Variants in ADGRL3 observed in about 807,000 individuals in gnomAD.
The protein encoded by ADGRL3 is adhesion G protein-coupled receptor L3.
A neutral mutation model predicts 153.5 loss-of-function variants in ADGRL3; 62 were observed. The ratio of observed to expected loss-of-function variants is 0.40; its 90% CI spans 0.33 to 0.50. ADGRL3 has a LOEUF of 0.50. ADGRL3 is among the 20% of genes least tolerant of loss of function. ADGRL3 has a pLI of 0.47. For missense variants in ADGRL3, 1,641 were observed against 1,859.4 expected (o/e 0.88, Z 2.16); for synonymous variants, 710 against 672.5 (o/e 1.06, Z -0.86).
intron 8 of ADGRL3, among the ~76,000 whole-genome samples, chr4:61,772,393 GA>G (rs2097097035): frequency 6.6e-6 from 1 of 152,180 alleles, no homozygotes; most frequent in Non-Finnish European, 1.5e-5. Flanking sequence ...TGCAGAGAAG[GA>G]AAACAATATT....
At chr4:61,749,457 A>AC (rs559611141) in intron 8 of ADGRL3, among the ~76,000 whole-genome samples, 4,078 of 152,274 alleles carry the variant, frequency 0.027, 117 homozygotes, top group East Asian at 0.076. Flanking sequence ...CTTGGAACCA[A>AC]CCAAATATCC....
intron 9 of ADGRL3, among the ~76,000 whole-genome samples, chr4:61,889,764 T>C (rs2098558912): frequency 6.6e-6 from 1 of 152,252 alleles, no homozygotes; most frequent in Non-Finnish European, 1.5e-5. Context: ...AATCTTGTGG[T>C]GGTGTGCCAT....
rs557023253 is a variant in ADGRL3 at position 62,076,318 on chromosome 4, A to G, written c.*5410A>G. 3 of 152,250 alleles carry G rather than the reference A, an allele frequency of 2.0e-5. No homozygotes were observed. Among genetic ancestry groups the G allele is most frequent in the East Asian group, 1.9e-4 (1 of 5,176 alleles). 9.4% of individuals were successfully genotyped at this position (152,250 alleles called of 1,614,324 possible). A position where few individuals can be genotyped will look rare whatever the true frequency, so the allele number is the denominator to read the frequency against. Reference sequence around the variant, plus strand: ...CATTTGATAATTTGTGTCCCGTTACAGTATTTCAAAGGTAAATGCAAACTA... The same window carrying G: ...CATTTGATAATTTGTGTCCCGTTACGGTATTTCAAAGGTAAATGCAAACTA... On this transcript the variant is annotated 3_prime_UTR_variant, in exon 27 of 27. Transcript: ENST00000683033.
At chr4:61,236,564 A>C (rs1164897912) in intron 1 of ADGRL3, among the ~76,000 whole-genome samples, 1 of 152,162 alleles carries the variant, frequency 6.6e-6, no homozygotes, top group Non-Finnish European at 1.5e-5. Flanking sequence ...TGTTATTCTA[A>C]TAAGATTTTT....
chr4:61,422,089 C>G (rs1450554465), intron 2 of ADGRL3, among the ~76,000 whole-genome samples: 2 of 152,062 alleles, frequency 1.3e-5, no homozygotes, highest in Admixed American at 1.3e-4. Flanking sequence ...ATTGTCCAAT[C>G]AAAGATGTGC....
chr4:61,299,271 G>A (rs2094507814), intron 1 of ADGRL3, among the ~76,000 whole-genome samples: 2 of 152,144 alleles, frequency 1.3e-5, no homozygotes, highest in African/African-American at 4.8e-5. Flanking sequence ...AATTTATACA[G>A]CATCATAGTG....
At chr4:61,239,071 C>T (rs1753925350) in intron 1 of ADGRL3, among the ~76,000 whole-genome samples, 1 of 152,144 alleles carries the variant, frequency 6.6e-6, no homozygotes, top group Non-Finnish European at 1.5e-5. Flanking sequence ...GTTACTCCTT[C>T]AAGGAATCCT....
intron 8 of ADGRL3, among the ~76,000 whole-genome samples, chr4:61,794,320 A>G (rs928235603): frequency 3.3e-5 from 5 of 152,218 alleles, no homozygotes; most frequent in Admixed American, 6.5e-5. Context: ...AGATAAGGAC[A>G]TGAGTGGAGG....
chr4:61,602,370 A>T (rs1415075561), intron 5 of ADGRL3, among the ~76,000 whole-genome samples: 1 of 152,160 alleles, frequency 6.6e-6, no homozygotes, highest in Non-Finnish European at 1.5e-5. Flanking sequence ...AGTGGCTCTC[A>T]TCTGGGGGTA....
intron 2 of ADGRL3, among the ~76,000 whole-genome samples, chr4:61,410,627 C>A (rs1429280565): frequency 6.6e-6 from 1 of 152,158 alleles, no homozygotes; most frequent in Admixed American, 6.5e-5. Context: ...GTGGACCCAC[C>A]ACCCCAACCC....
chr4:61,503,245 T>C (rs1195423967), intron 3 of ADGRL3, among the ~76,000 whole-genome samples: 1 of 151,952 alleles, frequency 6.6e-6, no homozygotes, highest in Non-Finnish European at 1.5e-5. Flanking sequence ...TTGCAAAAGG[T>C]GTTACGTATG....
chr4:62,056,279 A>T (rs1254345819), intron 25 of ADGRL3, among the ~76,000 whole-genome samples: 1 of 151,810 alleles, frequency 6.6e-6, no homozygotes, highest in African/African-American at 2.4e-5. Context: ...TAAATATAAT[A>T]TATATTTGGA....
chr4:62,028,287 C>G (rs1720007271), intron 21 of ADGRL3, among the ~76,000 whole-genome samples: 1 of 151,660 alleles, frequency 6.6e-6, no homozygotes, highest in African/African-American at 2.4e-5. Context: ...AAAGATTATT[C>G]AGGTTTATCT....
At chr4:61,661,601 C>G (rs1225564316) in intron 5 of ADGRL3, among the ~76,000 whole-genome samples, 5 of 151,790 alleles carry the variant, frequency 3.3e-5, no homozygotes, top group Admixed American at 1.3e-4. Context: ...TTAAAGGAAA[C>G]AATTATTAAA....
chr4:61,533,568 A>C (rs897728591), intron 4 of ADGRL3, among the ~76,000 whole-genome samples: 14 of 152,160 alleles, frequency 9.2e-5, no homozygotes, highest in African/African-American at 3.1e-4. Context: ...AATCTAAATA[A>C]ATTTCAGAGA....
intron 4 of ADGRL3, among the ~76,000 whole-genome samples, chr4:61,561,527 A>T (rs1056977257): frequency 5.9e-5 from 9 of 152,122 alleles, no homozygotes; most frequent in African/African-American, 1.9e-4. Flanking sequence ...GCTGGGGAAG[A>T]GGAGTGACAA....
At chr4:61,946,653 T>C (rs2098926052) in intron 15 of ADGRL3, among the ~76,000 whole-genome samples, 1 of 152,168 alleles carries the variant, frequency 6.6e-6, no homozygotes, top group Non-Finnish European at 1.5e-5. Flanking sequence ...GGTTTTTATG[T>C]TTAGGTGTAT....
chr4:61,773,093 C>T lies in ADGRL3; in HGVS notation c.1399+39539C>T, dbSNP rs377234715. Among the ~76,000 whole-genome samples, 79 of 152,150 alleles carry T rather than the reference C, an allele frequency of 5.2e-4. 1 individual carries two copies. The highest frequency in any genetic ancestry group is 1.9e-3 in the African/African-American group (77 of 41,508). On this transcript the variant is annotated intron_variant, in intron 8 of 26. Transcript: ENST00000683033. Reference sequence around the variant, plus strand: ...TAGCATAAAAGTCGATCATACTGAACTGTTCTTCAGTAAAAGGTTACGGGG... The same window carrying T: ...TAGCATAAAAGTCGATCATACTGAATTGTTCTTCAGTAAAAGGTTACGGGG...
intron 1 of ADGRL3, among the ~76,000 whole-genome samples, chr4:61,210,537 G>T (rs1739469141): frequency 8.0e-6 from 1 of 124,232 alleles, no homozygotes; most frequent in East Asian, 2.0e-4. Context: ...GTTTTGATTT[G>T]GTTTGTTTCC....
Sources: allele counts gnomAD v4.1 joint callset (sites outside exome capture counted in the v4.1 genomes callset), GRCh38; gene constraint gnomAD v4.1.1; transcripts MANE v1.5; gene names NCBI Gene and HGNC (gene_info 2026-07-23, HGNC 2026-07-21).